GRM5: variants seen among roughly 807,000 people sequenced by gnomAD.
GRM5 encodes metabotropic glutamate receptor 5.
Under a neutral mutation model 83.1 loss-of-function variants are expected in GRM5, and 19 were observed. That is an observed-to-expected ratio of 0.23 (90% CI 0.16 to 0.34). The LOEUF (loss-of-function observed/expected upper bound fraction) is 0.34. Ranked by LOEUF, GRM5 falls within the 10% of genes least tolerant of loss-of-function variation. The pLI, the probability that GRM5 is intolerant of heterozygous loss-of-function variation, is 1.00. For synonymous variants in GRM5, 675 were observed against 633.6 expected (o/e 1.07, Z -0.98); for missense variants, 1,160 against 1,588.3 (o/e 0.73, Z 4.58).
At chr11:88,772,702 T>C (rs577266340) in intron 3 of GRM5, among the ~76,000 whole-genome samples, 3 of 152,260 alleles carry the variant, frequency 2.0e-5, no homozygotes, top group Non-Finnish European at 4.4e-5. Flanking sequence ...ATGCGGTGTT[T>C]GGTTTTCTGT....
intron 3 of GRM5, among the ~76,000 whole-genome samples, chr11:88,770,683 A>T (rs756914560): frequency 6.6e-6 from 1 of 152,158 alleles, no homozygotes; most frequent in Non-Finnish European, 1.5e-5. Context: ...ACAGAATTTT[A>T]TCACATGAAA....
intron 2 of GRM5, among the ~76,000 whole-genome samples, chr11:88,963,076 C>G (rs542131868): frequency 1.5e-4 from 23 of 152,200 alleles, no homozygotes; most frequent in African/African-American, 5.3e-4. Context: ...GGTGACAGAA[C>G]AAGGCTCTGT....
chr11:88,967,359 T>C (rs1467376276), intron 2 of GRM5, among the ~76,000 whole-genome samples: 4 of 151,464 alleles, frequency 2.6e-5, no homozygotes, highest in Non-Finnish European at 5.9e-5. Context: ...GAGGGATATC[T>C]CAGTCCATTG....
At chr11:88,645,384 C>G (rs1939417244) in intron 4 of GRM5, among the ~76,000 whole-genome samples, 1 of 152,078 alleles carries the variant, frequency 6.6e-6, no homozygotes, top group Non-Finnish European at 1.5e-5. Context: ...TGATACATGT[C>G]TTGAAGTGGA....
intron 8 of GRM5, among the ~76,000 whole-genome samples, chr11:88,532,317 G>T (rs1317527024): frequency 6.6e-6 from 1 of 152,104 alleles, no homozygotes; most frequent in Non-Finnish European, 1.5e-5. Context: ...TAGAAGTATG[G>T]TATGAGCAGA....
rs61456975 is a variant in GRM5, at chr11:88,885,450, G to GT, written c.662-35296dup. Among the ~76,000 whole-genome samples the GT allele has an allele frequency of 1.6e-4, 10 of 62,664 alleles. 1 individual carries two copies. Among genetic ancestry groups the GT allele is most frequent in the African/African-American group, 5.9e-4 (10 of 16,892 alleles). The allele number at this position is 62,664 out of a possible 152,430, so 41.1% of individuals were successfully genotyped here. On this transcript the variant is annotated intron_variant, in intron 2 of 9. Transcript: ENST00000305447. The stretch of plus-strand genomic sequence containing the variant: ...TTCTGAATTCTATAGTAGGTACCAT[G>GT]TTTTTTTTTTTTTTTTTTTTTTTTT...
intron 3 of GRM5, among the ~76,000 whole-genome samples, chr11:88,838,506 G>A (rs1944135004): frequency 6.6e-6 from 1 of 152,198 alleles, no homozygotes; most frequent in Non-Finnish European, 1.5e-5. Flanking sequence ...TGGGGATGGA[G>A]AAGAATATTT....
intron 3 of GRM5, among the ~76,000 whole-genome samples, chr11:88,720,423 C>G (rs192592071): frequency 6.6e-6 from 1 of 152,126 alleles, no homozygotes; most frequent in East Asian, 1.9e-4. Flanking sequence ...AGAGGCCACT[C>G]TCAGCCTCTG....
intron 8 of GRM5, among the ~76,000 whole-genome samples, chr11:88,547,517 CTTCCCTATA>C (rs2135141748): frequency 6.6e-6 from 1 of 152,290 alleles, no homozygotes; most frequent in South Asian, 2.1e-4. Context: ...GCTGGAATGC[CTTCCCTATA>C]TAAGCAACTC....
intron 3 of GRM5, among the ~76,000 whole-genome samples, chr11:88,750,551 G>A (rs1318557310): frequency 6.6e-6 from 1 of 152,088 alleles, no homozygotes; most frequent in Non-Finnish European, 1.5e-5. Flanking sequence ...ACAAAGATAT[G>A]CAGGATCTAA....
chr11:88,572,141 A>C (rs1191377871), intron 7 of GRM5, among the ~76,000 whole-genome samples: 1 of 152,214 alleles, frequency 6.6e-6, no homozygotes, highest in Non-Finnish European at 1.5e-5. Flanking sequence ...GGTCTGACCT[A>C]GTGAGCTTTG....
chr11:88,688,620 C>T (rs762735209), intron 3 of GRM5, among the ~76,000 whole-genome samples: 17 of 151,970 alleles, frequency 1.1e-4, no homozygotes, highest in Non-Finnish European at 8.8e-5. Flanking sequence ...TTTTACTAGT[C>T]CTGAGAATTT....
At chr11:89,054,449 C>A (rs1178275821) in intron 1 of GRM5, among the ~76,000 whole-genome samples, 2 of 152,132 alleles carry the variant, frequency 1.3e-5, no homozygotes, top group African/African-American at 4.8e-5. Context: ...ATACTAGAAA[C>A]TCAAGAAGAG....
chr11:88,646,376 C>T (rs112167148), intron 4 of GRM5, among the ~76,000 whole-genome samples: 1 of 26,304 alleles, frequency 3.8e-5, no homozygotes, highest in African/African-American at 4.4e-5. Context: ...TTAAGTAAAA[C>T]ATACTGAAGT....
chr11:88,890,858 T>A (rs1413940682), intron 2 of GRM5, among the ~76,000 whole-genome samples: 10 of 152,118 alleles, frequency 6.6e-5, no homozygotes, highest in Non-Finnish European at 1.2e-4. Flanking sequence ...CAGTGCAGCA[T>A]GTATTTGAGA....
intron 3 of GRM5, among the ~76,000 whole-genome samples, chr11:88,824,067 A>G (rs2135512537): frequency 6.6e-6 from 1 of 152,230 alleles, no homozygotes; most frequent in East Asian, 1.9e-4. Context: ...TTTGTAATTT[A>G]GTTACTACTT....
chr11:88,836,841 CAAAA>C (rs1020096821), intron 3 of GRM5, among the ~76,000 whole-genome samples: 2 of 151,824 alleles, frequency 1.3e-5, no homozygotes, highest in Admixed American at 6.6e-5. Context: ...AACAAACAAA[CAAAA>C]AAACAAATCT....
At position 88,766,136 on chromosome 11, in the gene GRM5, C is replaced by A. The variant is rs1474299853; in HGVS notation, c.911+83770G>T. ...ATTAAAATGGCCATATTGCCCAAAG[C>A]AATTAGTAGATTAAAATGTCATTCC... is the stretch of plus-strand genomic sequence containing the variant. On this transcript the variant is annotated intron_variant, in intron 3 of 9. Coordinates refer to ENST00000305447, the MANE Select transcript of GRM5 (RefSeq NM_001143831.3). 2.6e-5 allele frequency among the ~76,000 whole-genome samples: 4 copies of A among 151,798 alleles called. No individual in the cohort carries two copies. The East Asian group carries it at 7.7e-4, about 29-fold the overall frequency.
chr11:88,592,328 T>C (rs576063285), intron 6 of GRM5, among the ~76,000 whole-genome samples: 1 of 152,228 alleles, frequency 6.6e-6, no homozygotes, highest in African/African-American at 2.4e-5. Context: ...AACACTCTAA[T>C]AATGTTACCT....
Sources: allele counts gnomAD v4.1 joint callset (sites outside exome capture counted in the v4.1 genomes callset), GRCh38; gene constraint gnomAD v4.1.1; transcripts MANE v1.5; gene names NCBI Gene and HGNC (gene_info 2026-07-23, HGNC 2026-07-21).